Variants in AGPAT4 observed in about 807,000 individuals in gnomAD.
AGPAT4 encodes the protein 1-acyl-sn-glycerol-3-phosphate acyltransferase delta.
AGPAT4 carries 15 observed loss-of-function variants against 48.0 expected under a neutral mutation model. That is an observed-to-expected ratio of 0.31 (90% CI 0.21 to 0.48). The LOEUF (loss-of-function observed/expected upper bound fraction) is 0.48. AGPAT4 is among the 20% of genes least tolerant of loss of function. The pLI, the probability that AGPAT4 is intolerant of heterozygous loss-of-function variation, is 0.99. For synonymous variants in AGPAT4, 178 were observed against 198.7 expected, an observed-to-expected ratio of 0.90 and a Z score of 0.88; for missense variants, 314 against 482.5, an observed-to-expected ratio of 0.65 and a Z score of 3.27.
rs901667149 is a variant in AGPAT4 at position 161,137,574 on chromosome 6, G to T, written c.1043-940C>A. The stretch of plus-strand genomic sequence containing the variant: ...CTGCATGGAGCGTAACAGTAACAGT[G>T]AGAGTGGAGTTATTGTAGAGCAGAA... On this transcript the variant is annotated intron_variant, in intron 8 of 8. Coordinates refer to ENST00000320285, the MANE Select transcript of AGPAT4 (RefSeq NM_020133.3). This position sits in a 1 kb window ranked among gnomAD's most constrained non-coding sequence, Gnocchi z 6.1. Among the ~76,000 whole-genome samples the T allele has an allele frequency of 6.6e-6, 1 of 152,256 alleles. No individual in the cohort carries two copies. Among genetic ancestry groups the T allele is most frequent in the Non-Finnish European group, 1.5e-5 (1 of 68,048 alleles).
rs1304833781 is a variant in AGPAT4 at position 161,141,187 on chromosome 6, A to T, written c.844-1567T>A. Among the ~76,000 whole-genome samples, 1 of 152,054 alleles carries T rather than the reference A, an allele frequency of 6.6e-6. No individual in the cohort carries two copies. Among genetic ancestry groups the T allele is most frequent in the East Asian group, 1.9e-4 (1 of 5,176 alleles). On this transcript the variant is annotated intron_variant, in intron 7 of 8. Coordinates refer to ENST00000320285, the MANE Select transcript of AGPAT4 (RefSeq NM_020133.3). The surrounding 1 kb of genome is among the most constrained non-coding windows in gnomAD (Gnocchi z 6.7). ...CCCCAACCCCTTCCCTGGGCAGTTC[A>T]GGTGCCTCTGCTCTGTCCTCGGCCC...
rs190759561 is a variant in AGPAT4, at chr6:161,253,237, A to C, written c.-90+20701T>G. Among the ~76,000 whole-genome samples, 355 of 150,368 alleles carry C rather than the reference A, an allele frequency of 2.4e-3. 3 individuals are homozygous for C. Among genetic ancestry groups the C allele is most frequent in the Admixed American group, 6.2e-3 (93 of 15,032 alleles). On this transcript the variant is annotated intron_variant, in intron 1 of 8. Coordinates refer to ENST00000320285, the MANE Select transcript of AGPAT4 (RefSeq NM_020133.3). ...CAAAAAAAAAGAAAAAAAAATGTAT[A>C]TGATATGATCCAACTTTTTTTAATT...
Position 161,143,052 on chromosome 6 carries a change from C to T in AGPAT4, c.844-3432G>A, listed in dbSNP as rs538067895. ...GCTCCCGACCTTGGCCTCCACAGGA[C>T]GGCTCTGAATGTAGCTGTCCTTCAC... On this transcript the variant is annotated intron_variant, in intron 7 of 8. Coordinates refer to ENST00000320285, the MANE Select transcript of AGPAT4 (RefSeq NM_020133.3). The surrounding 1 kb of genome is among the most constrained non-coding windows in gnomAD (Gnocchi z 4.7). Among the ~76,000 whole-genome samples the T allele has an allele frequency of 2.6e-5, 4 of 152,332 alleles. No individual in the cohort carries two copies. Among genetic ancestry groups the T allele is most frequent in the South Asian group, 2.1e-4 (1 of 4,830 alleles).
In AGPAT4 at chr6:161,217,983, G is replaced by A. The variant is rs567477151; in HGVS notation, c.178+14053C>T. On this transcript the variant is annotated intron_variant, in intron 2 of 8. Transcript: ENST00000320285. This position sits in a 1 kb window ranked among gnomAD's most constrained non-coding sequence, Gnocchi z 4.9. ...CTCATCTCCCAACTCACCTTGTAGCGTAGAGCATGTTCTATGTGATGCCTG... is the reference window on the plus strand; with the variant it reads ...CTCATCTCCCAACTCACCTTGTAGCATAGAGCATGTTCTATGTGATGCCTG... Among the ~76,000 whole-genome samples the A allele has an allele frequency of 7.9e-5, 12 of 152,384 alleles. No individual in the cohort carries two copies. The highest frequency in any genetic ancestry group is 3.9e-4 in the East Asian group (2 of 5,190).
intron 2 of AGPAT4, among the ~76,000 whole-genome samples, chr6:161,227,737 T>C (rs1385291757): frequency 6.6e-6 from 1 of 152,200 alleles, no homozygotes; most frequent in African/African-American, 2.4e-5. Flanking sequence ...CAAATGTTTA[T>C]TATTATTCCA....
At position 161,166,254 on chromosome 6, in the gene AGPAT4, C is replaced by T. The variant is rs1562320641; in HGVS notation, c.342G>A (p.Leu114=). The T allele has an allele frequency of 1.9e-6, 3 of 1,613,970 alleles. No individual in the cohort carries two copies. Among genetic ancestry groups the T allele is most frequent in the Non-Finnish European group, 2.5e-6 (3 of 1,179,936 alleles). ...CGWSLSERFG[L]LGGSKVLAKK... ...GAATGCACTTCTGACTTACCCCTAA[C>T]AGCCCAAAGCGTTCGGACAGGCTCC... Residue 114 remains leucine, a synonymous_variant, in exon 3 of 9, where the codon CTG becomes CTA. Coordinates refer to ENST00000320285, the MANE Select transcript of AGPAT4 (RefSeq NM_020133.3). The surrounding 1 kb of genome is among the most constrained non-coding windows in gnomAD (Gnocchi z 6.7).
rs936178283 is a variant in AGPAT4 at position 161,198,059 on chromosome 6, T to C, written c.179-31642A>G. 6.6e-6 allele frequency among the ~76,000 whole-genome samples: 1 copy of C among 152,206 alleles called. No homozygotes were observed. The highest frequency in any genetic ancestry group is 1.5e-5 in the Non-Finnish European group (1 of 68,038). On this transcript the variant is annotated intron_variant, in intron 2 of 8. Transcript: ENST00000320285. The surrounding 1 kb of genome is among the most constrained non-coding windows in gnomAD (Gnocchi z 4.3). ...ATACTTCATTCTTCCCACTCTTCTT[T>C]TGTTTAATATTTTAAAATATTTCCC...
rs1324169295 is a variant in AGPAT4 at position 161,177,009 on chromosome 6, C to A, written c.179-10592G>T. On this transcript the variant is annotated intron_variant, in intron 2 of 8. Transcript: ENST00000320285. The surrounding 1 kb of genome is among the most constrained non-coding windows in gnomAD (Gnocchi z 5.0). ...GCGTGTAGAGCTTCTGCCGAGAGAT[C>A]TGCTGTTAGTCTGATGGGCTTCCTT... 6.6e-6 allele frequency among the ~76,000 whole-genome samples: 1 copy of A among 152,102 alleles called. No homozygotes were observed. Among genetic ancestry groups the A allele is most frequent in the African/African-American group, 2.4e-5 (1 of 41,400 alleles).
rs769781571 is a variant in AGPAT4, at chr6:161,133,166, C to G, written c.*3374G>C. ...TTATGAATAAGTTCTAAAGCCTATG[C>G]GAAGCCCATTCTGTTTTGCTTGGGG... On this transcript the variant is annotated 3_prime_UTR_variant, in exon 9 of 9. Transcript: ENST00000320285. 21 of 152,188 alleles carry G rather than the reference C, an allele frequency of 1.4e-4. No individual in the cohort carries two copies. The highest frequency in any genetic ancestry group is 2.5e-4 in the Non-Finnish European group (17 of 68,036). The allele number at this position is 152,188 out of a possible 1,614,324, so 9.4% of individuals were successfully genotyped here. A position where few individuals can be genotyped will look rare whatever the true frequency, so the allele number is the denominator to read the frequency against.
Position 161,131,346 on chromosome 6 carries a change from G to T in AGPAT4, c.*5194C>A. 6.5e-6 allele frequency: 1 copy of T among 153,798 alleles called. No individual in the cohort carries two copies. 9.5% of individuals were successfully genotyped at this position (153,798 alleles called of 1,614,324 possible). On this transcript the variant is annotated 3_prime_UTR_variant, in exon 9 of 9. Coordinates refer to ENST00000320285, the MANE Select transcript of AGPAT4 (RefSeq NM_020133.3). ...GAGCTGAGGAAGGAAGGCCTGGGTGGGAACCTGGATGTCCTTTCCTGGAGA... is the reference window on the plus strand; with the variant it reads ...GAGCTGAGGAAGGAAGGCCTGGGTGTGAACCTGGATGTCCTTTCCTGGAGA...
rs975711206 is a variant in AGPAT4, at chr6:161,273,798, C to CCG, written c.-90+139_-90+140insCG. ...TTTCCCCCGCCCGCCTTGCACTCCC[C>CCG]CCCCGCCCCCGGAGCCTACCCCTTC... On this transcript the variant is annotated intron_variant, in intron 1 of 8. Transcript: ENST00000320285. 7.3e-5 allele frequency: 11 copies of CCG among 149,710 alleles called. 1 individual carries two copies. The highest frequency in any genetic ancestry group is 2.0e-4 in the African/African-American group (8 of 40,384). The allele number at this position is 149,710 out of a possible 1,614,324, so 9.3% of individuals were successfully genotyped here. A position where few individuals can be genotyped will look rare whatever the true frequency, so the allele number is the denominator to read the frequency against.
chr6:161,254,973 A>C lies in AGPAT4; in HGVS notation c.-90+18965T>G, dbSNP rs1333433127. On this transcript the variant is annotated intron_variant, in intron 1 of 8. Transcript: ENST00000320285. This position sits in a 1 kb window ranked among gnomAD's most constrained non-coding sequence, Gnocchi z 5.9. ...TCGCGAAGAAAAAGCCTCAAACTGC[A>C]GAACACACCCGGCAAGCTGTTCTTA... is the stretch of plus-strand genomic sequence containing the variant. Among the ~76,000 whole-genome samples, 2 of 152,204 alleles carry C rather than the reference A, an allele frequency of 1.3e-5. No individual in the cohort carries two copies. The highest frequency in any genetic ancestry group is 2.9e-5 in the Non-Finnish European group (2 of 68,038).
At position 161,149,553 on chromosome 6, in the gene AGPAT4, C is replaced by T. The variant is rs1339886011; in HGVS notation, c.665-264G>A. 2.0e-5 allele frequency among the ~76,000 whole-genome samples: 3 copies of T among 150,946 alleles called. No individual in the cohort carries two copies. In the East Asian group the frequency reaches 5.8e-4, roughly 29 times the overall value. On this transcript the variant is annotated intron_variant, in intron 5 of 8. Coordinates refer to ENST00000320285, the MANE Select transcript of AGPAT4 (RefSeq NM_020133.3). This position sits in a 1 kb window ranked among gnomAD's most constrained non-coding sequence, Gnocchi z 6.5. ...ATCATTTTTTTCTTTTCTTTCTTTT[C>T]TTTTTTTTTGGAGATGGAGTCTCAC...
rs554204602 is a variant in AGPAT4 at position 161,161,528 on chromosome 6, G to T, written c.348+4720C>A. ...TTCACATGGTGGCGGGCAGCACTGGGTATCTGCCATAGGCTCAGGTGATGC... is the reference window on the plus strand; with the variant it reads ...TTCACATGGTGGCGGGCAGCACTGGTTATCTGCCATAGGCTCAGGTGATGC... On this transcript the variant is annotated intron_variant, in intron 3 of 8. Transcript: ENST00000320285. This position sits in a 1 kb window ranked among gnomAD's most constrained non-coding sequence, Gnocchi z 4.6. The T allele has an allele frequency of 2.2e-6, 1 of 456,448 alleles. No homozygotes were observed. Among genetic ancestry groups the T allele is most frequent in the Non-Finnish European group, 4.4e-6 (1 of 226,786 alleles). 28.3% of individuals were successfully genotyped at this position (456,448 alleles called of 1,614,324 possible).
Position 161,246,097 on chromosome 6 carries a change from C to T in AGPAT4, c.-89-13795G>A, listed in dbSNP as rs4709505. On this transcript the variant is annotated intron_variant, in intron 1 of 8. Transcript: ENST00000320285. The surrounding 1 kb of genome is among the most constrained non-coding windows in gnomAD (Gnocchi z 5.5). ...AGGGCATTACAGACTGGCTATTCCT[C>T]GAAAAGTTTCATTAGCAGCAGCAGT... Among the ~76,000 whole-genome samples, 4 of 151,992 alleles carry T rather than the reference C, an allele frequency of 2.6e-5. No individual in the cohort carries two copies. The highest frequency in any genetic ancestry group is 4.8e-5 in the African/African-American group (2 of 41,376).
rs1466248448 is a variant in AGPAT4 at position 161,184,107 on chromosome 6, G to C, written c.179-17690C>G. On this transcript the variant is annotated intron_variant, in intron 2 of 8. Transcript: ENST00000320285. This position sits in a 1 kb window ranked among gnomAD's most constrained non-coding sequence, Gnocchi z 4.8. ...GCCCACTGGTGTACATCCAGTGCCT[G>C]GAACTGGGGACACATTTCAGAGCAT... 2.0e-5 allele frequency among the ~76,000 whole-genome samples: 3 copies of C among 152,102 alleles called. No individual in the cohort carries two copies. The highest frequency in any genetic ancestry group is 7.2e-5 in the African/African-American group (3 of 41,402).
In AGPAT4 at chr6:161,142,818, C is replaced by T. The variant is rs891714075; in HGVS notation, c.844-3198G>A. On this transcript the variant is annotated intron_variant, in intron 7 of 8. Coordinates refer to ENST00000320285, the MANE Select transcript of AGPAT4 (RefSeq NM_020133.3). This position sits in a 1 kb window ranked among gnomAD's most constrained non-coding sequence, Gnocchi z 6.4. Reference sequence around the variant, plus strand: ...AGCCCGCAGACACCACCCGAGTGCACGGCCAGGACTTGCAAAGGACTTACC... The same window carrying T: ...AGCCCGCAGACACCACCCGAGTGCATGGCCAGGACTTGCAAAGGACTTACC... Among the ~76,000 whole-genome samples, 1 of 152,198 alleles carries T rather than the reference C, an allele frequency of 6.6e-6. No homozygotes were observed. The highest frequency in any genetic ancestry group is 2.4e-5 in the African/African-American group (1 of 41,440).
chr6:161,194,634 A>G (rs998874364), intron 2 of AGPAT4, among the ~76,000 whole-genome samples: 4 of 145,138 alleles, frequency 2.8e-5, no homozygotes, highest in South Asian at 2.1e-4. Flanking sequence ...GTGTATGTGT[A>G]TGTGTGTATG....
In AGPAT4 at chr6:161,212,953, G is replaced by GTGCTTTCC. The variant is rs1233188732; in HGVS notation, c.178+19075_178+19082dup. On this transcript the variant is annotated intron_variant, in intron 2 of 8. Transcript: ENST00000320285. This position sits in a 1 kb window ranked among gnomAD's most constrained non-coding sequence, Gnocchi z 6.1. ...TTACCAAGACTTTGACTGTAATGGTGTGCTTTCCTTTAAGGAATCAAACTT... is the reference window on the plus strand; with the variant it reads ...TTACCAAGACTTTGACTGTAATGGTGTGCTTTCCTGCTTTCCTTTAAGGAATCAAACTT... Among the ~76,000 whole-genome samples the GTGCTTTCC allele has an allele frequency of 6.6e-6, 1 of 152,190 alleles. No individual in the cohort carries two copies.
Sources: gnomAD v4.1 joint callset for allele counts (sites outside exome capture counted in the v4.1 genomes callset) on GRCh38, gnomAD v4.1.1 for gene constraint, Gnocchi (gnomAD v3.1) non-coding constraint, MANE v1.5 for transcripts, NCBI Gene and HGNC (gene_info 2026-07-23, HGNC 2026-07-21) for gene names.